The following CYP2C8 variants were observed in gnomAD, a reference collection of about 807,000 sequenced individuals.
CYP2C8 encodes cytochrome P450 family 2 subfamily C member 8.
Under a neutral mutation model 41.3 loss-of-function variants are expected in CYP2C8, and 51 were observed. That is an observed-to-expected ratio of 1.24 (90% confidence interval 0.99 to 1.56). CYP2C8 has a LOEUF of 1.56. CYP2C8 is among the 40% of genes most tolerant of loss of function. The pLI is 0.00. For missense variants in CYP2C8, 651 were observed against 579.9 expected (o/e 1.12, Z -1.26); for synonymous variants, 218 against 205.8 (o/e 1.06, Z -0.51).
At chr10:95,048,146 T>A (rs1457893124) in intron 5 of CYP2C8, among the ~76,000 whole-genome samples, 1 of 152,188 alleles carries the variant, frequency 6.6e-6, no homozygotes, top group Non-Finnish European at 1.5e-5. Flanking sequence ...GAGTTGTAGA[T>A]TCTTTCTTCT....
chr10:95,068,488 A>T (rs1274208281), intron 1 of CYP2C8: 13 of 731,116 alleles, frequency 1.8e-5, no homozygotes, highest in Admixed American at 7.4e-5. Context: ...CACATCAGCC[A>T]TCAAATGAAT....
At chr10:95,059,831 G>A (rs2033387522) in intron 4 of CYP2C8, among the ~76,000 whole-genome samples, 6 of 152,204 alleles carry the variant, frequency 3.9e-5, no homozygotes, top group Admixed American at 3.9e-4. Flanking sequence ...TAAGGTGTAA[G>A]GAAGGGATCC....
intron 1 of CYP2C8, chr10:95,068,664 T>C (rs1047892441): frequency 3.2e-6 from 4 of 1,231,194 alleles, no homozygotes; most frequent in Admixed American, 4.6e-5. Context: ...ACTTTAAACT[T>C]TTGCCACTGT....
chr10:95,053,361 T>C (rs1357272532), intron 5 of CYP2C8, among the ~76,000 whole-genome samples: 2 of 152,126 alleles, frequency 1.3e-5, no homozygotes, highest in Non-Finnish European at 2.9e-5. Flanking sequence ...AGTGTGGCAA[T>C]TCCTCAAGAA....
intron 6 of CYP2C8, among the ~76,000 whole-genome samples, chr10:95,044,727 G>GA (rs1355740035): frequency 1.3e-5 from 2 of 152,038 alleles, no homozygotes; most frequent in Non-Finnish European, 2.9e-5. Flanking sequence ...TTCCCAGTGG[G>GA]AAAAAATCAG....
In CYP2C8 at chr10:95,047,443, A is replaced by G. The variant is rs2033131977; in HGVS notation, c.820-1492T>C. 2.0e-5 allele frequency among the ~76,000 whole-genome samples: 3 copies of G among 152,310 alleles called. No homozygotes were observed. In the South Asian group the frequency reaches 6.2e-4, roughly 32 times the overall value. On this transcript the variant is annotated intron_variant, in intron 5 of 8. Transcript: ENST00000371270. Reference sequence around the variant, plus strand: ...TACAAAGACTCAGTATCACCTACATATTCATTACAAAGCTGAAATGTGTAA... The same window carrying G: ...TACAAAGACTCAGTATCACCTACATGTTCATTACAAAGCTGAAATGTGTAA...
chr10:95,066,153 A>AGAGAGAGTGTGTGTGT (rs1342809282), intron 3 of CYP2C8, among the ~76,000 whole-genome samples: 3 of 88,270 alleles, frequency 3.4e-5, no homozygotes, highest in African/African-American at 1.3e-4. Context: ...AGAGAGAGAG[A>AGAGAGAGTGTGTGTGT]GTGTGTGTGT....
chr10:95,046,431 TG>T (rs34115801), intron 5 of CYP2C8, among the ~76,000 whole-genome samples: 45,116 of 151,574 alleles, frequency 0.3, 7,572 homozygotes, highest in African/African-American at 0.45. Context: ...TGAGAGCAAT[TG>T]GGGGGGGCAC....
Position 95,067,681 on chromosome 10 carries a change from A to G in CYP2C8, c.179T>C (p.Val60Ala), listed in dbSNP as rs1292038418. The G allele has an allele frequency of 1.9e-6, 3 of 1,614,170 alleles. No homozygotes were observed. Among genetic ancestry groups the G allele is most frequent in the Admixed American group, 3.3e-5 (2 of 59,986 alleles). The change falls in exon 2 of 9, where the codon GTC becomes GCC. Residue 60 changes from valine to alanine, a missense_variant. Coordinates refer to ENST00000371270, the MANE Select transcript of CYP2C8 (RefSeq NM_000770.3). Reference protein sequence around the residue: ...ICKSFTNFSKVYGPVFTVYFG... With the variant: ...ICKSFTNFSKAYGPVFTVYFG... ...ATACACGGTGAACACAGGACCATAG[A>G]CTTTTGAGAACTGGGAAAGGAAATG...
chr10:95,068,470 AT>A, intron 1 of CYP2C8: 1 of 622,178 alleles, frequency 1.6e-6, no homozygotes, highest in Non-Finnish European at 2.6e-6. Flanking sequence ...ACCCACAGAT[AT>A]TTATTTCACA....
intron 1 of CYP2C8, among the ~76,000 whole-genome samples, chr10:95,068,081 C>A (rs993285883): frequency 2.0e-5 from 3 of 152,152 alleles, no homozygotes; most frequent in Non-Finnish European, 4.4e-5. Flanking sequence ...GATGCTTGAG[C>A]AATTAATCAA....
At chr10:95,038,615 TC>T (rs2032932763) in intron 8 of CYP2C8, among the ~76,000 whole-genome samples, 1 of 152,068 alleles carries the variant, frequency 6.6e-6, no homozygotes, top group Non-Finnish European at 1.5e-5. Context: ...TAGGAGGAGC[TC>T]TTGGGTGCCT....
chr10:95,042,313 C>G (rs1297095243), intron 7 of CYP2C8, among the ~76,000 whole-genome samples: 1 of 151,828 alleles, frequency 6.6e-6, no homozygotes. Context: ...AAATTATCAG[C>G]AATGATCAGT....
chr10:95,043,198 G>T, intron 6 of CYP2C8, 121 bp from the exon 7 acceptor site: 3 of 852,818 alleles, frequency 3.5e-6, no homozygotes, highest in South Asian at 1.5e-5. Context: ...TGAGTTACAT[G>T]TCCAGAAGTA....
chr10:95,051,123 A>C (rs571909796), intron 5 of CYP2C8, among the ~76,000 whole-genome samples: 3 of 152,216 alleles, frequency 2.0e-5, no homozygotes, highest in African/African-American at 7.2e-5. Context: ...TCACAATTCT[A>C]TCAGATAAAC....
In CYP2C8 at chr10:95,067,267, A is replaced by G. The variant is rs1220595921; in HGVS notation, c.422T>C (p.Ile141Thr). The change falls in exon 3 of 9, where the codon ATT (isoleucine) becomes ACT (threonine). Residue 141 changes from isoleucine (I) to threonine (T), a missense_variant. By Grantham distance (89) the Ile-to-Thr change is moderately conservative. Transcript: ENST00000371270. ...AGCTTCCTCTTGAACACGGTCCTCA[A>G]TGCTCCTCTTCCCCATCCCAAAATT... ...LRNFGMGKRS[I>T]EDRVQEEAHC... 1.5e-5 allele frequency: 24 copies of G among 1,614,056 alleles called. No homozygotes were observed. The highest frequency in any genetic ancestry group is 2.0e-5 in the Non-Finnish European group (24 of 1,180,038).
chr10:95,054,371 T>A (rs759443676), intron 5 of CYP2C8, among the ~76,000 whole-genome samples: 1 of 151,940 alleles, frequency 6.6e-6, no homozygotes, highest in East Asian at 1.9e-4. Flanking sequence ...CTTTTCCTGA[T>A]AAAATCACTC....
At chr10:95,045,723 T>C in intron 6 of CYP2C8, 87 bp downstream of exon 6, 1 of 1,517,406 alleles carries the variant, frequency 6.6e-7, no homozygotes, top group Non-Finnish European at 9.1e-7. Flanking sequence ...GAATGAGCCT[T>C]CTCTGAGAGA....
chr10:95,037,995 T>G (rs11572172), intron 8 of CYP2C8, among the ~76,000 whole-genome samples: 12,119 of 152,294 alleles, frequency 0.08, 713 homozygotes, highest in African/African-American at 0.16. Context: ...AATTCTGTAT[T>G]TATTTATCTA....
Sources: gnomAD v4.1 joint callset for allele counts (sites outside exome capture counted in the v4.1 genomes callset) on GRCh38, gnomAD v4.1.1 for gene constraint, MANE v1.5 for transcripts, NCBI Gene and HGNC (gene_info 2026-07-23, HGNC 2026-07-21) for gene names.